The following PRUNE2 variants were observed in gnomAD, a reference collection of about 807,000 sequenced individuals.
The protein encoded by PRUNE2 is protein prune homolog 2.
PRUNE2 carries 164 observed loss-of-function variants against 252.0 expected under a neutral mutation model. That is an observed-to-expected ratio of 0.65 (90% CI 0.57 to 0.74). The LOEUF (loss-of-function observed/expected upper bound fraction) is 0.74, where lower values mean the gene tolerates loss of function less well. Ranked by LOEUF, PRUNE2 falls within the 30% of genes least tolerant of loss-of-function variation. The pLI is 0.00. For missense variants in PRUNE2, 3,495 were observed against 3,711.0 expected, an observed-to-expected ratio of 0.94 and a Z score of 1.51; for synonymous variants, 1,292 against 1,350.2, an observed-to-expected ratio of 0.96 and a Z score of 0.94.
chr9:76,785,148 A>G (rs1303470662), intron 6 of PRUNE2: 1 of 152,216 alleles, frequency 6.6e-6, no homozygotes, highest in East Asian at 1.9e-4. Flanking sequence ...CCATGCACCT[A>G]AACAAAATCT....
chr9:76,905,874 T>A lies in PRUNE2; in HGVS notation c.36+54A>T, dbSNP rs45561137. The A allele has an allele frequency of 4.3e-6, 7 of 1,611,362 alleles. No homozygotes were observed. The Admixed American group carries it at 1.2e-4, about 27-fold the overall frequency. On this transcript the variant is annotated intron_variant, in intron 1 of 18. Coordinates refer to ENST00000376718, the MANE Select transcript of PRUNE2 (RefSeq NM_015225.3). ...GCTGCAACACCTTTTCCTCTCCACC[T>A]TTCCATTAGCATACGCGCGCGCGCA...
intron 12 of PRUNE2, among the ~76,000 whole-genome samples, chr9:76,640,633 T>C (rs549681307): frequency 2.0e-5 from 3 of 152,206 alleles, no homozygotes; most frequent in African/African-American, 7.2e-5. Context: ...GAATGCAATA[T>C]GAAGGAAAAT....
chr9:76,637,984 G>A (rs144998834), intron 13 of PRUNE2, among the ~76,000 whole-genome samples: 31 of 152,324 alleles, frequency 2.0e-4, no homozygotes, highest in African/African-American at 7.5e-4. Context: ...GTTCATCTTG[G>A]TTTCAGTCTA....
chr9:76,634,913 A>T (rs1839323845), intron 15 of PRUNE2, among the ~76,000 whole-genome samples: 1 of 152,200 alleles, frequency 6.6e-6, no homozygotes, highest in Non-Finnish European at 1.5e-5. Flanking sequence ...CTCCCTAGTT[A>T]CAACATTTCC....
At chr9:76,639,127 G>C (rs1465166048) in intron 12 of PRUNE2, among the ~76,000 whole-genome samples, 1 of 152,116 alleles carries the variant, frequency 6.6e-6, no homozygotes, top group African/African-American at 2.4e-5. Flanking sequence ...TTTTGCAGTA[G>C]AGTCACACTC....
At chr9:76,692,267 G>C (rs2044845757) in intron 9 of PRUNE2, 1 of 674,408 alleles carries the variant, frequency 1.5e-6, no homozygotes, top group South Asian at 1.7e-5. Flanking sequence ...GCTGTGGCTA[G>C]GGGGCACAGC....
chr9:76,644,245 T>G (rs918539823), intron 12 of PRUNE2, among the ~76,000 whole-genome samples: 2 of 152,088 alleles, frequency 1.3e-5, no homozygotes, highest in African/African-American at 4.8e-5. Flanking sequence ...AGTTTACTAG[T>G]TTACAGAAAG....
chr9:76,868,842 G>C (rs1564471905), intron 1 of PRUNE2: 1 of 131,742 alleles, frequency 7.6e-6, no homozygotes, highest in African/African-American at 2.7e-5. Context: ...GGGGGTGGGG[G>C]GGGGGGCGGG....
In PRUNE2 at chr9:76,705,596, T is replaced by G. The variant is rs768194425; in HGVS notation, c.6678A>C (p.Pro2226=). 1.2e-6 allele frequency: 2 copies of G among 1,614,044 alleles called. No homozygotes were observed. The highest frequency in any genetic ancestry group is 1.1e-5 in the South Asian group (1 of 91,084). Reference sequence around the variant, plus strand: ...TGCTAGTTGCCACATTTTCAATCCTTGGGATTCTTCTGTCAACTGGTTCCA... The same window carrying G: ...TGCTAGTTGCCACATTTTCAATCCTGGGGATTCTTCTGTCAACTGGTTCCA... The part of the protein sequence containing the change: ...PILEPVDRRI[P]RIENVATSIF... The change falls in exon 8 of 19, where the codon CCA becomes CCC. Residue 2226 remains proline (P), a synonymous_variant. Coordinates refer to ENST00000376718, the MANE Select transcript of PRUNE2 (RefSeq NM_015225.3).
intron 1 of PRUNE2, among the ~76,000 whole-genome samples, chr9:76,876,915 A>T (rs1039774989): frequency 1.1e-4 from 16 of 152,202 alleles, no homozygotes; most frequent in Admixed American, 5.9e-4. Flanking sequence ...ATCTGAAAGA[A>T]AGTTGTCTCC....
At chr9:76,651,237 A>T (rs1043469391) in intron 11 of PRUNE2, among the ~76,000 whole-genome samples, 1 of 152,168 alleles carries the variant, frequency 6.6e-6, no homozygotes, top group African/African-American at 2.4e-5. Flanking sequence ...ACTCTACTTA[A>T]GCATAATAGA....
At chr9:76,731,318 A>C (rs7852143) in intron 6 of PRUNE2, among the ~76,000 whole-genome samples, 39 of 105,674 alleles carry the variant, frequency 3.7e-4, no homozygotes, top group African/African-American at 1.5e-3. Context: ...ATCTATATAT[A>C]TATATATTTT....
Position 76,704,814 on chromosome 9 carries a change from A to T in PRUNE2, c.7460T>A (p.Val2487Glu), listed in dbSNP as rs1438325238. The T allele has an allele frequency of 6.3e-7, 1 of 1,585,390 alleles. No homozygotes were observed. Among genetic ancestry groups the T allele is most frequent in the South Asian group, 1.1e-5 (1 of 87,206 alleles). The stretch of plus-strand genomic sequence containing the variant: ...TGGTAAATCAGAATTATCTGTTTCT[A>T]CTTCCCAGTCAACGTTTGATGGAGA... ...ILSPSNVDWE[V>E]ETDNSDLPAG... Residue 2487 changes from valine (V) to glutamate (E), a missense_variant, in exon 8 of 19, where the codon GTA (valine) becomes GAA (glutamate). By Grantham distance (121) the Val-to-Glu change is moderately radical (BLOSUM62 -2). Coordinates refer to ENST00000376718, the MANE Select transcript of PRUNE2 (RefSeq NM_015225.3).
intron 6 of PRUNE2, among the ~76,000 whole-genome samples, chr9:76,752,584 C>T (rs2050735446): frequency 6.6e-6 from 1 of 152,044 alleles, no homozygotes; most frequent in South Asian, 2.1e-4. Flanking sequence ...TTTCTATAAG[C>T]TTTCAGTCTC....
intron 4 of PRUNE2, among the ~76,000 whole-genome samples, chr9:76,837,256 A>G (rs1049192276): frequency 3.5e-4 from 53 of 152,158 alleles, no homozygotes; most frequent in African/African-American, 1.3e-3. Flanking sequence ...ATCCTGGCCA[A>G]CATGGTGAAA....
At chr9:76,859,310 AGCCTACAAAAT>A (rs1300431839) in intron 1 of PRUNE2, among the ~76,000 whole-genome samples, 2 of 152,196 alleles carry the variant, frequency 1.3e-5, no homozygotes, top group Non-Finnish European at 2.9e-5. Context: ...TCTTTTTAAA[AGCCTACAAAAT>A]GCCTACATAT....
chr9:76,816,753 CACTA>C (rs2057721973), intron 6 of PRUNE2, among the ~76,000 whole-genome samples: 1 of 152,130 alleles, frequency 6.6e-6, no homozygotes, highest in African/African-American at 2.4e-5. Context: ...TAAAATTTTT[CACTA>C]ACTGACTGGG....
chr9:76,709,899 G>T lies in PRUNE2; in HGVS notation c.2375C>A (p.Ala792Glu), dbSNP rs1222530435. 3 of 1,613,854 alleles carry T rather than the reference G, an allele frequency of 1.9e-6. No individual in the cohort carries two copies. Among genetic ancestry groups the T allele is most frequent in the Admixed American group, 1.7e-5 (1 of 60,006 alleles). ...CCAGGCTGGGAATGGCGCCACAGCT[G>T]CTGGTTCACCATCATCTGTAGGATT... ...WGNPTDDGEP[A>E]AVAPFPAWSA... Residue 792 changes from alanine (A) to glutamate (E), a missense_variant, in exon 8 of 19, where the codon GCA becomes GAA. By Grantham distance (107) the Ala-to-Glu change is moderately radical. Coordinates refer to ENST00000376718, the MANE Select transcript of PRUNE2 (RefSeq NM_015225.3).
chr9:76,845,645 A>G (rs2059632723), intron 4 of PRUNE2, among the ~76,000 whole-genome samples: 1 of 152,230 alleles, frequency 6.6e-6, no homozygotes, highest in South Asian at 2.1e-4. Context: ...AGAGTCCTTA[A>G]AAGAGTTGAG....
Sources: allele counts gnomAD v4.1 joint callset (sites outside exome capture counted in the v4.1 genomes callset), GRCh38; gene constraint gnomAD v4.1.1; transcripts MANE v1.5; gene names NCBI Gene and HGNC (gene_info 2026-07-23, HGNC 2026-07-21).